Variants in SBNO1 observed in about 807,000 individuals in gnomAD.
The protein encoded by SBNO1 is strawberry notch homolog 1.
In SBNO1, 23 loss-of-function variants were observed where a neutral mutation model predicts 173.6. The ratio of observed to expected loss-of-function variants is 0.13; its 90% CI spans 0.10 to 0.19. The LOEUF (loss-of-function observed/expected upper bound fraction) is 0.19, where lower values mean the gene tolerates loss of function less well. SBNO1 is among the 10% of genes least tolerant of loss of function. The probability of loss-of-function intolerance (pLI) is 1.00; values close to 1 mark genes in which losing one functional copy is unlikely to be tolerated. For synonymous variants in SBNO1, 632 were observed against 571.5 expected (o/e 1.11, Z -1.51); for missense variants, 1,238 against 1,671.2 (o/e 0.74, Z 4.52).
chr12:123,340,690 T>C (rs908792347), intron 5 of SBNO1, among the ~76,000 whole-genome samples: 8 of 152,026 alleles, frequency 5.3e-5, no homozygotes, highest in African/African-American at 1.9e-4. Context: ...TGAACACAGT[T>C]ATCAAATACT....
chr12:123,320,629 A>C, intron 18 of SBNO1, 22 bp from the exon 19 acceptor site: 3 of 1,602,256 alleles, frequency 1.9e-6, no homozygotes, highest in Non-Finnish European at 2.6e-6. Flanking sequence ...ACATTTGCTA[A>C]AAGTTAGTAC....
At chr12:123,305,622 C>T (rs1252584326) in intron 28 of SBNO1, among the ~76,000 whole-genome samples, 2 of 152,064 alleles carry the variant, frequency 1.3e-5, no homozygotes, top group African/African-American at 4.8e-5. Flanking sequence ...TACAGGTACT[C>T]ACCACCATGC....
intron 7 of SBNO1, 119 bp from the exon 8 acceptor site, chr12:123,331,494 T>C: frequency 1.1e-6 from 1 of 903,858 alleles, no homozygotes; most frequent in Non-Finnish European, 1.6e-6. Flanking sequence ...ATGTATTTTG[T>C]GACTTTATTT....
Position 123,328,879 on chromosome 12 carries a change from AT to A in SBNO1, c.1150del (p.Ile384PhefsTer9). On this transcript the variant is annotated frameshift_variant, in exon 10 of 32. Transcript: ENST00000602398. LOFTEE classifies it high-confidence loss of function. ...CACACTCCCATTATGTTTGGAAGAAATTTTTCCGTATTTAAACTAAAAAAGA... is the reference window on the plus strand; with the variant it reads ...CACACTCCCATTATGTTTGGAAGAAATTTTCCGTATTTAAACTAAAAAAGA... ...HSLNKFKYGK[I>X]SSKHNGSVKK... 6.4e-7 allele frequency: 1 copy of A among 1,553,928 alleles called. No homozygotes were observed. The highest frequency in any genetic ancestry group is 8.8e-7 in the Non-Finnish European group (1 of 1,142,476).
Position 123,330,333 on chromosome 12 carries a change from C to A in SBNO1, c.1134+86G>T, listed in dbSNP as rs1593373977. On this transcript the variant is annotated intron_variant, in intron 9 of 31. Coordinates refer to ENST00000602398, the MANE Select transcript of SBNO1 (RefSeq NM_001167856.3). ...ACATCAAAGTTTTCCAAAAAGTGTC[C>A]CCTTATATACATAGCTATTATTATT... 8.7e-6 allele frequency: 7 copies of A among 800,274 alleles called. No individual in the cohort carries two copies. In the East Asian group the frequency reaches 1.8e-4, roughly 20 times the overall value. The allele number at this position is 800,274 out of a possible 1,614,324, so 49.6% of individuals were successfully genotyped here. A position where few individuals can be genotyped will look rare whatever the true frequency, so the allele number is the denominator to read the frequency against.
At chr12:123,361,968 G>GT (rs1270991128) in intron 1 of SBNO1, among the ~76,000 whole-genome samples, 1 of 150,102 alleles carries the variant, frequency 6.7e-6, no homozygotes. Flanking sequence ...GTGAAACCCC[G>GT]TGTCTACTAA....
At chr12:123,354,723 T>C (rs1195555776) in intron 1 of SBNO1, among the ~76,000 whole-genome samples, 1 of 152,166 alleles carries the variant, frequency 6.6e-6, no homozygotes, top group African/African-American at 2.4e-5. Flanking sequence ...CAAAGCACCA[T>C]ATAAATGCTA....
At chr12:123,361,481 G>GAGGTTGCA (rs1160154846) in intron 1 of SBNO1, among the ~76,000 whole-genome samples, 1 of 152,062 alleles carries the variant, frequency 6.6e-6, no homozygotes, top group Non-Finnish European at 1.5e-5. Flanking sequence ...CCGGGAGGGG[G>GAGGTTGCA]AGGTTGCAGT....
chr12:123,356,527 G>GC (rs1045964314), intron 1 of SBNO1, among the ~76,000 whole-genome samples: 1 of 152,008 alleles, frequency 6.6e-6, no homozygotes, highest in African/African-American at 2.4e-5. Context: ...CCTTGAATCC[G>GC]CCCCCCTGGG....
At position 123,315,442 on chromosome 12, in the gene SBNO1, C is replaced by A. The variant is rs1396907976; in HGVS notation, c.3051G>T (p.Gly1017=). 1.2e-6 allele frequency: 2 copies of A among 1,612,662 alleles called. No homozygotes were observed. The highest frequency in any genetic ancestry group is 2.2e-5 in the South Asian group (2 of 91,036). The change falls in exon 23 of 32, where the codon GGG becomes GGT. Residue 1017 remains glycine (G), a splice_region_variant and synonymous_variant. Coordinates refer to ENST00000602398, the MANE Select transcript of SBNO1 (RefSeq NM_001167856.3). ...CCCTTCTATCACCATGTGTAAGTGC[C>A]CCCTGTTAAAAACAAAAATTTCAAT... The part of the protein sequence containing the change: ...SIVAKRLESL[G]ALTHGDRRAT...
intron 26 of SBNO1, 37 bp downstream of exon 26, chr12:123,309,673 C>T: frequency 6.2e-7 from 1 of 1,608,232 alleles, no homozygotes; most frequent in Non-Finnish European, 8.5e-7. Context: ...CACATTTTCC[C>T]TGGGGACATT....
intron 21 of SBNO1, among the ~76,000 whole-genome samples, 194 bp downstream of exon 21, chr12:123,317,027 A>AG: frequency 6.6e-6 from 1 of 152,096 alleles, no homozygotes; most frequent in Admixed American, 6.6e-5. Context: ...TGGTGGAGAA[A>AG]GGGTCTCACT....
intron 30 of SBNO1, 150 bp downstream of exon 30, chr12:123,302,674 T>A (rs777431552): frequency 6.0e-6 from 4 of 664,252 alleles, no homozygotes; most frequent in Non-Finnish European, 1.1e-5. Context: ...AGTCTACAAC[T>A]GTCCAGTAAA....
intron 3 of SBNO1, 71 bp downstream of exon 3, chr12:123,347,958 C>T: frequency 1.1e-5 from 10 of 923,534 alleles, no homozygotes; most frequent in African/African-American, 1.6e-5. Context: ...CGAATCACCA[C>T]ACCCGGCCAT....
chr12:123,362,710 A>G (rs1019763446), intron 1 of SBNO1, among the ~76,000 whole-genome samples: 1 of 140,458 alleles, frequency 7.1e-6, no homozygotes, highest in African/African-American at 2.7e-5. Flanking sequence ...CAGAGGTTGC[A>G]GTGAGCCGAG....
chr12:123,311,386 T>G (rs959705160), intron 24 of SBNO1, among the ~76,000 whole-genome samples: 3 of 152,174 alleles, frequency 2.0e-5, no homozygotes, highest in Non-Finnish European at 4.4e-5. Flanking sequence ...TTCTTTTCTT[T>G]TTTTTTGAGA....
At chr12:123,304,888 C>T (rs576145693) in intron 28 of SBNO1, among the ~76,000 whole-genome samples, 169 bp from the exon 29 acceptor site, 1 of 152,312 alleles carries the variant, frequency 6.6e-6, no homozygotes, top group South Asian at 2.1e-4. Context: ...AACACAGTCA[C>T]ACCCAAGAGG....
rs1383613040 is a variant in SBNO1 at position 123,364,743 on chromosome 12, G to T, written c.-43C>A. On this transcript the variant is annotated 5_prime_UTR_variant, in exon 1 of 32. Coordinates refer to ENST00000602398, the MANE Select transcript of SBNO1 (RefSeq NM_001167856.3). ...GCGCCAGCACAGCTCCTCCCGGGAG[G>T]TGTGAGTTTGAAGGACCAGAGGCGA... 1 of 987,854 alleles carries T rather than the reference G, an allele frequency of 1.0e-6. No homozygotes were observed. The highest frequency in any genetic ancestry group is 5.2e-4 in the Middle Eastern group (1 of 1,926). The allele number at this position is 987,854 out of a possible 1,614,324, so 61.2% of individuals were successfully genotyped here.
chr12:123,314,487 G>A (rs766940924), intron 23 of SBNO1, among the ~76,000 whole-genome samples: 6 of 151,938 alleles, frequency 3.9e-5, no homozygotes, highest in Non-Finnish European at 8.8e-5. Context: ...ACACCACCAC[G>A]CCCAGCTAAT....
Sources: gnomAD v4.1 joint callset for allele counts (sites outside exome capture counted in the v4.1 genomes callset) on GRCh38, gnomAD v4.1.1 for gene constraint, MANE v1.5 for transcripts, NCBI Gene and HGNC (gene_info 2026-07-23, HGNC 2026-07-21) for gene names.